The following PDZRN3 variants were observed in gnomAD, a reference collection of about 807,000 sequenced individuals.
PDZRN3 encodes the protein PDZ domain containing ring finger 3, also known as E3 ubiquitin-protein ligase PDZRN3.
A neutral mutation model predicts 85.7 loss-of-function variants in PDZRN3; 38 were observed. The ratio of observed to expected loss-of-function variants is 0.44; its 90% CI spans 0.34 to 0.58. The LOEUF is 0.58. PDZRN3 is among the 20% of genes least tolerant of loss of function. The pLI is 0.01. For synonymous variants in PDZRN3, 759 were observed against 638.0 expected (o/e 1.19, Z -2.86); for missense variants, 1,629 against 1,506.4 (o/e 1.08, Z -1.35).
chr3:73,405,152 C>T (rs1320884280), intron 3 of PDZRN3, among the ~76,000 whole-genome samples: 2 of 152,162 alleles, frequency 1.3e-5, no homozygotes, highest in Non-Finnish European at 2.9e-5. Context: ...CATCTCCCTC[C>T]CTAGAGCCTC....
At chr3:73,617,308 A>C (rs534891533) in intron 1 of PDZRN3, among the ~76,000 whole-genome samples, 37 of 152,334 alleles carry the variant, frequency 2.4e-4, no homozygotes, top group African/African-American at 7.9e-4. Flanking sequence ...TCCATCTGGT[A>C]GTTATTTTCT....
chr3:73,385,586 A>C, intron 9 of PDZRN3, 83 bp downstream of exon 9: 1 of 816,796 alleles, frequency 1.2e-6, no homozygotes, highest in Non-Finnish European at 2.1e-6. Flanking sequence ...GATGGTCTTT[A>C]GCACCATAAA....
At chr3:73,448,859 A>G (rs1383586677) in intron 3 of PDZRN3, among the ~76,000 whole-genome samples, 1 of 152,162 alleles carries the variant, frequency 6.6e-6, no homozygotes, top group Non-Finnish European at 1.5e-5. Context: ...TGTGGCACGA[A>G]AGTCAGGACA....
intron 3 of PDZRN3, among the ~76,000 whole-genome samples, chr3:73,508,630 C>A (rs762718877): frequency 3.9e-5 from 6 of 152,142 alleles, no homozygotes; most frequent in South Asian, 2.1e-4. Context: ...TAATTTCCAA[C>A]CTTAAGTCAC....
intron 3 of PDZRN3, among the ~76,000 whole-genome samples, chr3:73,562,478 A>T (rs55732227): frequency 0.33 from 50,209 of 152,020 alleles, 10,251 homozygotes; most frequent in Non-Finnish European, 0.45. Context: ...AAAAGTCTCC[A>T]TTCCCTGTAA....
rs192862501 is a variant in PDZRN3, at chr3:73,514,890, G to A, written c.918+87464C>T. ...ATTTAGCACTTAACAATTCTGTACC[G>A]GAGATATTATCTATAAACCCATTTT... is the stretch of plus-strand genomic sequence containing the variant. On this transcript the variant is annotated intron_variant, in intron 3 of 9. Coordinates refer to ENST00000263666, the MANE Select transcript of PDZRN3 (RefSeq NM_015009.3). Among the ~76,000 whole-genome samples the A allele has an allele frequency of 9.0e-4, 137 of 152,230 alleles. 1 individual carries two copies. The highest frequency in any genetic ancestry group is 1.2e-3 in the East Asian group (6 of 5,178).
intron 3 of PDZRN3, among the ~76,000 whole-genome samples, chr3:73,484,193 T>C (rs1251091519): frequency 6.6e-6 from 1 of 152,038 alleles, no homozygotes; most frequent in Non-Finnish European, 1.5e-5. Flanking sequence ...AGGTGTCCTA[T>C]GTTAAGAAAG....
intron 5 of PDZRN3, among the ~76,000 whole-genome samples, chr3:73,393,710 G>A (rs577549643): frequency 2.2e-4 from 33 of 152,266 alleles, no homozygotes; most frequent in African/African-American, 7.5e-4. Context: ...TAAGGTATGA[G>A]TATTTTCGTT....
intron 3 of PDZRN3, among the ~76,000 whole-genome samples, chr3:73,508,523 C>A (rs971687183): frequency 8.5e-5 from 13 of 152,164 alleles, no homozygotes; most frequent in African/African-American, 3.1e-4. Context: ...CCGTGCAGCT[C>A]CTCGGGCAGG....
chr3:73,600,337 ACTCT>A (rs1553706426), intron 3 of PDZRN3, among the ~76,000 whole-genome samples: 69 of 100,076 alleles, frequency 6.9e-4, no homozygotes, highest in South Asian at 5.1e-3. Context: ...ACACACACAC[ACTCT>A]CTCTCTCTCT....
chr3:73,389,072 G>A, intron 7 of PDZRN3, among the ~76,000 whole-genome samples: 1 of 151,948 alleles, frequency 6.6e-6, no homozygotes, highest in Admixed American at 6.6e-5. Flanking sequence ...ACCCAGAGTA[G>A]GCAGTGGAAG....
intron 3 of PDZRN3, among the ~76,000 whole-genome samples, chr3:73,520,831 A>G (rs576547324): frequency 7.2e-5 from 11 of 152,300 alleles, no homozygotes; most frequent in African/African-American, 2.2e-4. Context: ...GGCAGGTCTC[A>G]CTGGCAATAC....
chr3:73,438,583 G>A lies in PDZRN3; in HGVS notation c.919-34188C>T, dbSNP rs189473594. ...GTGGAGCAATGGCATCCCTTTGTTA[G>A]GCACCGGCCAGTCACGGGATAGATT... is the stretch of plus-strand genomic sequence containing the variant. On this transcript the variant is annotated intron_variant, in intron 3 of 9. Coordinates refer to ENST00000263666, the MANE Select transcript of PDZRN3 (RefSeq NM_015009.3). Among the ~76,000 whole-genome samples, 615 of 152,322 alleles carry A rather than the reference G, an allele frequency of 4.0e-3. 7 individuals are homozygous for A. The highest frequency in any genetic ancestry group is 6.0e-3 in the Non-Finnish European group (411 of 68,038).
chr3:73,386,937 T>TAAGTC (rs1559649080), intron 8 of PDZRN3, among the ~76,000 whole-genome samples: 1 of 152,210 alleles, frequency 6.6e-6, no homozygotes, highest in East Asian at 1.9e-4. Context: ...GTAGCTCCCA[T>TAAGTC]AAGTCCTACG....
chr3:73,584,510 C>T (rs1023047677), intron 3 of PDZRN3, among the ~76,000 whole-genome samples: 9 of 143,054 alleles, frequency 6.3e-5, no homozygotes, highest in Non-Finnish European at 1.2e-4. Flanking sequence ...TATGCATATG[C>T]GTTGTGGATA....
At chr3:73,588,607 A>G (rs942167008) in intron 3 of PDZRN3, among the ~76,000 whole-genome samples, 7 of 152,214 alleles carry the variant, frequency 4.6e-5, no homozygotes, top group Non-Finnish European at 7.3e-5. Context: ...ACAAAGAGAA[A>G]GCAAGGCTCA....
chr3:73,423,864 G>C (rs1312739580), intron 3 of PDZRN3, among the ~76,000 whole-genome samples: 1 of 152,056 alleles, frequency 6.6e-6, no homozygotes, highest in Non-Finnish European at 1.5e-5. Flanking sequence ...TGTCAAATAA[G>C]TTTTAAAATT....
chr3:73,569,109 C>T lies in PDZRN3; in HGVS notation c.918+33245G>A, dbSNP rs572900839. On this transcript the variant is annotated intron_variant, in intron 3 of 9. Transcript: ENST00000263666. ...GCAGCTGAACTTTGAACCCAGCTCA[C>T]CTATTCTAAATCACACACCCCTTTT... is the stretch of plus-strand genomic sequence containing the variant. The T allele has an allele frequency of 1.2e-4, 147 of 1,188,144 alleles. 3 individuals carry two copies. The South Asian group carries it at 1.8e-3, about 15-fold the overall frequency. The allele number at this position is 1,188,144 out of a possible 1,614,324, so 73.6% of individuals were successfully genotyped here. A position where few individuals can be genotyped will look rare whatever the true frequency, so the allele number is the denominator to read the frequency against.
intron 3 of PDZRN3, among the ~76,000 whole-genome samples, chr3:73,447,317 C>A (rs1575660518): frequency 6.6e-6 from 1 of 151,946 alleles, no homozygotes; most frequent in African/African-American, 2.4e-5. Context: ...TCCATCCCTC[C>A]CACTCGTGCT....
Sources: gnomAD v4.1 joint callset for allele counts (sites outside exome capture counted in the v4.1 genomes callset) on GRCh38, gnomAD v4.1.1 for gene constraint, MANE v1.5 for transcripts, NCBI Gene and HGNC (gene_info 2026-07-23, HGNC 2026-07-21) for gene names.